Variants in PRDM1 observed in about 807,000 individuals in gnomAD.
The protein encoded by PRDM1 is PR domain zinc finger protein 1.
PRDM1 carries 13 observed loss-of-function variants against 62.8 expected under a neutral mutation model. That is an observed-to-expected ratio of 0.21 (90% CI 0.13 to 0.33). The LOEUF (loss-of-function observed/expected upper bound fraction) is 0.33, where lower values mean the gene tolerates loss of function less well. Ranked by LOEUF, PRDM1 falls within the 10% of genes least tolerant of loss-of-function variation. PRDM1 has a pLI of 1.00. For synonymous variants in PRDM1, 396 were observed against 417.6 expected, an observed-to-expected ratio of 0.95 and a Z score of 0.63; for missense variants, 895 against 1,058.8, an observed-to-expected ratio of 0.85 and a Z score of 2.15.
intron 1 of PRDM1, among the ~76,000 whole-genome samples, chr6:106,026,856 C>T (rs1772773276): frequency 6.6e-6 from 1 of 152,212 alleles, no homozygotes; most frequent in Non-Finnish European, 1.5e-5. Flanking sequence ...TGTGGGAGAA[C>T]ATGGACCAGG....
At chr6:106,030,208 A>G (rs572986957) in intron 1 of PRDM1, among the ~76,000 whole-genome samples, 2 of 152,130 alleles carry the variant, frequency 1.3e-5, no homozygotes, top group South Asian at 4.2e-4. Flanking sequence ...TTGTTTTGTC[A>G]CCCAGTCTGG....
chr6:106,074,531 A>G (rs1254958988), intron 1 of PRDM1, among the ~76,000 whole-genome samples: 2 of 152,238 alleles, frequency 1.3e-5, no homozygotes, highest in Non-Finnish European at 2.9e-5. Context: ...AATATTATAT[A>G]AATCAATGAC....
chr6:106,064,983 A>G (rs558237052), intron 1 of PRDM1, among the ~76,000 whole-genome samples: 1 of 152,190 alleles, frequency 6.6e-6, no homozygotes, highest in South Asian at 2.1e-4. Flanking sequence ...TGCCAGCCAC[A>G]CTGGTTGTCC....
chr6:106,088,480 G>C (rs374362809), intron 2 of PRDM1, 31 bp downstream of exon 2: 1 of 1,612,766 alleles, frequency 6.2e-7, no homozygotes, highest in African/African-American at 1.3e-5. Flanking sequence ...CAAGAAGATT[G>C]GGGACCTGGT....
intron 1 of PRDM1, among the ~76,000 whole-genome samples, chr6:106,002,546 T>C (rs933415567): frequency 6.6e-6 from 1 of 152,236 alleles, no homozygotes; most frequent in Non-Finnish European, 1.5e-5. Context: ...TGTTAAAATG[T>C]ACAAAGATAT....
At chr6:106,021,451 C>A (rs978139115) in intron 1 of PRDM1, among the ~76,000 whole-genome samples, 1 of 152,050 alleles carries the variant, frequency 6.6e-6, no homozygotes, top group African/African-American at 2.4e-5. Context: ...TAGAGTAAGC[C>A]CAGACAGGGT....
rs751651817 is a variant in PRDM1 at position 106,105,383 on chromosome 6, C to T, written c.1223C>T (p.Ala408Val). The stretch of plus-strand genomic sequence containing the variant: ...CCAGCTTTCATCCCCTCGTACAACG[C>T]TCACTACCCCAAGTTCCTCTTGCCC... Reference protein sequence around the residue: ...LPPAFIPSYNAHYPKFLLPPY... With the variant: ...LPPAFIPSYNVHYPKFLLPPY... Residue 408 changes from alanine (A) to valine (V), a missense_variant, in exon 5 of 7, where the codon GCT becomes GTT. Physicochemically the swap from Ala to Val is moderately conservative, Grantham distance 64. This residue lies in a region of PRDM1 where 444 missense variants were observed against 422.7 expected (regional missense o/e 1.05). Coordinates refer to ENST00000369096, the MANE Select transcript of PRDM1 (RefSeq NM_001198.4). The T allele has an allele frequency of 1.9e-5, 30 of 1,614,100 alleles. No homozygotes were observed.
rs188614685 is a variant in PRDM1, at chr6:106,105,492, C to T, written c.1332C>T (p.Cys444=). The change falls in exon 5 of 7, where the codon TGC becomes TGT. Residue 444 remains cysteine (C), a synonymous_variant. Transcript: ENST00000369096. ...INNFGLFPRL[C]PVYSNLLGGG... ...ACTTTGGCCTCTTCCCGAGGCTGTGCCCTGTCTACAGCAATCTCCTCGGTG... is the reference window on the plus strand; with the variant it reads ...ACTTTGGCCTCTTCCCGAGGCTGTGTCCTGTCTACAGCAATCTCCTCGGTG... 2.5e-5 allele frequency: 41 copies of T among 1,614,036 alleles called. No homozygotes were observed. In the Middle Eastern group the frequency reaches 4.9e-4, roughly 19 times the overall value.
chr6:106,088,548 C>G (rs1773876174), intron 2 of PRDM1, 99 bp downstream of exon 2: 1 of 1,315,656 alleles, frequency 7.6e-7, no homozygotes, highest in Non-Finnish European at 1.1e-6. Flanking sequence ...CTCTGAGAAT[C>G]TGTAAGTATC....
intron 1 of PRDM1, among the ~76,000 whole-genome samples, chr6:106,064,259 C>T (rs571063617): frequency 6.6e-6 from 1 of 152,290 alleles, no homozygotes; most frequent in Admixed American, 6.5e-5. Context: ...AGCAGTTAGC[C>T]TCGATGTCTA....
At chr6:106,098,210 C>G (rs369777676) in intron 3 of PRDM1, 5 of 984,968 alleles carry the variant, frequency 5.1e-6, no homozygotes, top group Middle Eastern at 5.2e-4. Context: ...GCAGATCACA[C>G]TAGGTATTGA....
At chr6:106,020,616 A>G (rs896625016) in intron 1 of PRDM1, among the ~76,000 whole-genome samples, 1 of 152,188 alleles carries the variant, frequency 6.6e-6, no homozygotes, top group South Asian at 2.1e-4. Flanking sequence ...GTCCACGTCT[A>G]CAAAACCTCT....
intron 1 of PRDM1, among the ~76,000 whole-genome samples, chr6:106,037,387 T>C (rs1225719188): frequency 6.6e-6 from 1 of 152,206 alleles, no homozygotes; most frequent in Non-Finnish European, 1.5e-5. Context: ...TTTATATTCA[T>C]ATCTCTCATC....
chr6:106,008,020 A>G (rs941478381), intron 1 of PRDM1, among the ~76,000 whole-genome samples: 11 of 152,206 alleles, frequency 7.2e-5, no homozygotes, highest in African/African-American at 2.7e-4. Context: ...GCTTTACATC[A>G]TGTGCAGACT....
chr6:106,089,779 G>A (rs774398961), intron 2 of PRDM1, among the ~76,000 whole-genome samples: 1 of 152,176 alleles, frequency 6.6e-6, no homozygotes, highest in Non-Finnish European at 1.5e-5. Flanking sequence ...TGTAGGATTT[G>A]TTTGGGTATA....
chr6:106,002,051 T>C (rs1012394322), intron 1 of PRDM1, among the ~76,000 whole-genome samples: 3 of 152,020 alleles, frequency 2.0e-5, no homozygotes, highest in African/African-American at 7.3e-5. Flanking sequence ...TGAACAAAGT[T>C]GGAGAAGTTT....
intron 1 of PRDM1, among the ~76,000 whole-genome samples, chr6:106,057,848 T>C (rs1773288536): frequency 6.6e-6 from 1 of 152,222 alleles, no homozygotes; most frequent in Non-Finnish European, 1.5e-5. Flanking sequence ...GATAATTCAT[T>C]TTCCTTTTTA....
chr6:106,014,429 A>G (rs946802315), intron 1 of PRDM1, among the ~76,000 whole-genome samples: 4 of 97,282 alleles, frequency 4.1e-5, no homozygotes, highest in Admixed American at 1.2e-4. Flanking sequence ...TTTCTAGCAC[A>G]TAAGAAATGT....
At chr6:106,015,645 C>G (rs538468438) in intron 1 of PRDM1, among the ~76,000 whole-genome samples, 1 of 152,176 alleles carries the variant, frequency 6.6e-6, no homozygotes, top group East Asian at 1.9e-4. Flanking sequence ...TGGGACTTCT[C>G]CCTATTTATC....
Sources: allele counts gnomAD v4.1 joint callset (sites outside exome capture counted in the v4.1 genomes callset), GRCh38; gene constraint gnomAD v4.1.1; regional missense constraint gnomAD v4.1.1; transcripts MANE v1.5; gene names NCBI Gene and HGNC (gene_info 2026-07-23, HGNC 2026-07-21).